IRAG1: variants seen among roughly 807,000 people sequenced by gnomAD.
IRAG1 encodes the protein IP3R-associated cGMP kinase substrate.
A neutral mutation model predicts 106.2 loss-of-function variants in IRAG1; 62 were observed. The observed-to-expected ratio is 0.58, with a 90% confidence interval of 0.48 to 0.72. The LOEUF (loss-of-function observed/expected upper bound fraction) is 0.72, where lower values mean the gene tolerates loss of function less well. Ranked by LOEUF, IRAG1 falls within the 30% of genes least tolerant of loss-of-function variation. The pLI is 0.00. For missense variants in IRAG1, 1,064 were observed against 1,140.7 expected (o/e 0.93, Z 0.97); for synonymous variants, 462 against 443.9 (o/e 1.04, Z -0.51).
chr11:10,634,174 C>T, intron 2 of IRAG1, 103 bp from the exon 3 acceptor site: 1 of 591,070 alleles, frequency 1.7e-6, no homozygotes. Flanking sequence ...TCAGAGCCAT[C>T]TTGATAAGGG....
chr11:10,626,475 T>G lies in IRAG1; in HGVS notation c.859A>C (p.Ile287Leu). Residue 287 changes from isoleucine to leucine, a missense_variant, in exon 9 of 21, where the codon ATA becomes CTA. Transcript: ENST00000423302. ...GGATCGAAGTTTTCCTTTTGTTCTA[T>G]TGCAATCTCTTTGGACTTCTCAACT... ...PPVEKSKEIA[I>L]EQKENFDPLQ... is the part of the protein sequence containing the mutation. The G allele has an allele frequency of 6.2e-7, 1 of 1,613,776 alleles. No individual in the cohort carries two copies. Among genetic ancestry groups the G allele is most frequent in the Non-Finnish European group, 8.5e-7 (1 of 1,179,804 alleles).
At chr11:10,578,561 T>G (rs1851065578) in intron 20 of IRAG1, among the ~76,000 whole-genome samples, 1 of 152,226 alleles carries the variant, frequency 6.6e-6, no homozygotes, top group South Asian at 2.1e-4. Flanking sequence ...AAAAATGCAA[T>G]AAGTAGGACA....
chr11:10,687,885 G>T lies in IRAG1; in HGVS notation c.67+5651C>A, dbSNP rs973520728. On this transcript the variant is annotated intron_variant, in intron 1 of 20. Coordinates refer to ENST00000423302, the MANE Select transcript of IRAG1 (RefSeq NM_130385.4). The stretch of plus-strand genomic sequence containing the variant: ...TAGCTTTGCTTTTTTTTGGGGGGGG[G>T]TGGTATTTAACTTTGTAAAATGGAC... The T allele has an allele frequency of 1.8e-5, 18 of 1,000,140 alleles. No individual in the cohort carries two copies. The East Asian group carries it at 2.7e-4, about 15-fold the overall frequency. The allele number at this position is 1,000,140 out of a possible 1,614,324, so 62.0% of individuals were successfully genotyped here. A position where few individuals can be genotyped will look rare whatever the true frequency, so the allele number is the denominator to read the frequency against.
At chr11:10,616,530 A>T (rs1855445161) in intron 10 of IRAG1, among the ~76,000 whole-genome samples, 1 of 152,012 alleles carries the variant, frequency 6.6e-6, no homozygotes, top group South Asian at 2.1e-4. Context: ...AAAACAAAAA[A>T]CAAAAAACAA....
Position 10,614,942 on chromosome 11 carries a change from G to A in IRAG1, c.1448-5091C>T, listed in dbSNP as rs567024415. On this transcript the variant is annotated intron_variant, in intron 10 of 20. Transcript: ENST00000423302. Reference sequence around the variant, plus strand: ...AACAAAAGCCAAAATTGACAAATGGGATCTAATTAAAGAGCTTCTGCACAG... The same window carrying A: ...AACAAAAGCCAAAATTGACAAATGGAATCTAATTAAAGAGCTTCTGCACAG... Among the ~76,000 whole-genome samples, 18 of 152,274 alleles carry A rather than the reference G, an allele frequency of 1.2e-4. No homozygotes were observed. In the East Asian group the frequency reaches 2.9e-3, roughly 24 times the overall value.
At chr11:10,589,925 G>A (rs1341749561) in intron 18 of IRAG1, among the ~76,000 whole-genome samples, 2 of 152,296 alleles carry the variant, frequency 1.3e-5, no homozygotes, top group Middle Eastern at 3.4e-3. Context: ...GGACAGAAGT[G>A]CTCAACTGGC....
chr11:10,601,194 T>C (rs1011962310), intron 14 of IRAG1, 135 bp from the exon 15 acceptor site: 13 of 1,260,536 alleles, frequency 1.0e-5, no homozygotes, highest in South Asian at 1.4e-5. Context: ...CTGAAGAGTT[T>C]GCTGTCTGCC....
Position 10,581,992 on chromosome 11 carries a change from G to A in IRAG1, c.2241-6C>T. ...GGTCCCCATTTGTCTTTCCACTAGT[G>A]AGAAGAGGGAAGTACAGGGCATCAT... On this transcript the variant is annotated splice_polypyrimidine_tract_variant and splice_region_variant and intron_variant, in intron 18 of 20. Transcript: ENST00000423302. 2 of 1,611,794 alleles carry A rather than the reference G, an allele frequency of 1.2e-6. No homozygotes were observed. The highest frequency in any genetic ancestry group is 1.7e-6 in the Non-Finnish European group (2 of 1,178,948).
Position 10,623,704 on chromosome 11 carries a change from C to T in IRAG1, c.1447+74G>A, listed in dbSNP as rs1856008488. The T allele has an allele frequency of 3.0e-6, 4 of 1,354,294 alleles. No homozygotes were observed. The South Asian group carries it at 3.5e-5, about 12-fold the overall frequency. 83.9% of individuals were successfully genotyped at this position (1,354,294 alleles called of 1,614,324 possible). A position where few individuals can be genotyped will look rare whatever the true frequency, so the allele number is the denominator to read the frequency against. On this transcript the variant is annotated intron_variant, in intron 10 of 20. Transcript: ENST00000423302. The stretch of plus-strand genomic sequence containing the variant: ...GAAGACACAGGAAGTCTTGTGTTTA[C>T]ACATTCACCTTCCTTGATCTGGCAC...
intron 2 of IRAG1, among the ~76,000 whole-genome samples, chr11:10,638,919 T>G (rs962516107): frequency 3.9e-5 from 6 of 152,206 alleles, no homozygotes; most frequent in African/African-American, 1.4e-4. Context: ...CATATTTTAT[T>G]TTATTTTTAT....
At position 10,589,508 on chromosome 11, in the gene IRAG1, C is replaced by T. The variant is rs141426043; in HGVS notation, c.2240+2040G>A. ...GGTCTTGAACTCCTGACCTCATGAACCACCCGCCTCAGCCTCCCAAACTGC... is the reference window on the plus strand; with the variant it reads ...GGTCTTGAACTCCTGACCTCATGAATCACCCGCCTCAGCCTCCCAAACTGC... On this transcript the variant is annotated intron_variant, in intron 18 of 20. Coordinates refer to ENST00000423302, the MANE Select transcript of IRAG1 (RefSeq NM_130385.4). Among the ~76,000 whole-genome samples the T allele has an allele frequency of 6.1e-3, 923 of 152,242 alleles. 3 individuals are homozygous for T. The highest frequency in any genetic ancestry group is 8.6e-3 in the Non-Finnish European group (588 of 68,014).
In IRAG1 at chr11:10,609,865, GCTTA is replaced by G. The variant is rs1352059124; in HGVS notation, c.1448-18_1448-15del. 1 of 1,612,566 alleles carries G rather than the reference GCTTA, an allele frequency of 6.2e-7. No homozygotes were observed. Among genetic ancestry groups the G allele is most frequent in the East Asian group, 2.2e-5 (1 of 44,876 alleles). ...CAGAAGGAAGCCCTGAAAAAAAAGT[GCTTA>G]CTTATAAAATGTCTCTTTGAAATCA... On this transcript the variant is annotated splice_polypyrimidine_tract_variant and intron_variant, in intron 10 of 20. Coordinates refer to ENST00000423302, the MANE Select transcript of IRAG1 (RefSeq NM_130385.4).
chr11:10,597,126 T>C lies in IRAG1; in HGVS notation c.2018-2931A>G, dbSNP rs1853405511. Among the ~76,000 whole-genome samples the C allele has an allele frequency of 1.3e-5, 2 of 152,198 alleles. 1 individual carries two copies. The highest frequency in any genetic ancestry group is 4.1e-4 in the South Asian group (2 of 4,830). ...AAATCCCATGGCCTTGCCTTGTGACTTCAAGGGGATGGGTAAATGTGCCCA... is the reference window on the plus strand; with the variant it reads ...AAATCCCATGGCCTTGCCTTGTGACCTCAAGGGGATGGGTAAATGTGCCCA... On this transcript the variant is annotated intron_variant, in intron 15 of 20. Transcript: ENST00000423302.
intron 10 of IRAG1, among the ~76,000 whole-genome samples, chr11:10,622,987 T>G (rs1489622310): frequency 6.6e-6 from 1 of 152,130 alleles, no homozygotes; most frequent in Non-Finnish European, 1.5e-5. Context: ...TTTTAGGTAC[T>G]TTATAGATAT....
chr11:10,616,788 T>C (rs1037638807), intron 10 of IRAG1, among the ~76,000 whole-genome samples: 2 of 152,220 alleles, frequency 1.3e-5, no homozygotes, highest in African/African-American at 4.8e-5. Flanking sequence ...TAGTGTAAGC[T>C]ATTTTTACTT....
chr11:10,575,525 C>T lies in IRAG1; in HGVS notation c.*807G>A, dbSNP rs1850770200. The T allele has an allele frequency of 6.6e-6, 1 of 152,198 alleles. No homozygotes were observed. Among genetic ancestry groups the T allele is most frequent in the Admixed American group, 6.5e-5 (1 of 15,292 alleles). 9.4% of individuals were successfully genotyped at this position (152,198 alleles called of 1,614,324 possible). ...TGTGGACAGCTCATTGAACAGGTGC[C>T]TGGTGACTGCCCCACACTGGTGAAA... On this transcript the variant is annotated 3_prime_UTR_variant, in exon 21 of 21. Coordinates refer to ENST00000423302, the MANE Select transcript of IRAG1 (RefSeq NM_130385.4).
At chr11:10,655,571 C>A (rs115631144) in intron 1 of IRAG1, among the ~76,000 whole-genome samples, 2 of 152,130 alleles carry the variant, frequency 1.3e-5, no homozygotes, top group Non-Finnish European at 2.9e-5. Flanking sequence ...TTCCTTGGAG[C>A]GTTCTCGTAA....
intron 1 of IRAG1, among the ~76,000 whole-genome samples, chr11:10,683,934 T>G (rs1861463171): frequency 6.6e-6 from 1 of 152,160 alleles, no homozygotes; most frequent in African/African-American, 2.4e-5. Flanking sequence ...TTCATCTTTC[T>G]TGTTCTTTAA....
intron 1 of IRAG1, among the ~76,000 whole-genome samples, chr11:10,682,134 G>A (rs995071513): frequency 5.3e-5 from 8 of 152,218 alleles, no homozygotes; most frequent in African/African-American, 1.9e-4. Flanking sequence ...ATCACAGGAT[G>A]CTGCAAAAAT....
Sources: allele counts gnomAD v4.1 joint callset (sites outside exome capture counted in the v4.1 genomes callset), GRCh38; gene constraint gnomAD v4.1.1; transcripts MANE v1.5; gene names NCBI Gene and HGNC (gene_info 2026-07-23, HGNC 2026-07-21).